The following RAD51B variants were observed in gnomAD, a reference collection of about 807,000 sequenced individuals.
The protein encoded by RAD51B is RAD51 paralog B, also known as DNA repair protein RAD51 homolog 2.
In RAD51B, 38 loss-of-function variants were observed where a neutral mutation model predicts 42.2. The ratio of observed to expected loss-of-function variants is 0.90; its 90% CI spans 0.70 to 1.18. The LOEUF (loss-of-function observed/expected upper bound fraction) is 1.18, where lower values mean the gene tolerates loss of function less well. Among genes scored for constraint, RAD51B ranks in the 50% most tolerant of loss-of-function variants. The pLI is 0.00. For synonymous variants in RAD51B, 154 were observed against 145.2 expected, an observed-to-expected ratio of 1.06 and a Z score of -0.43; for missense variants, 373 against 400.7, an observed-to-expected ratio of 0.93 and a Z score of 0.59.
chr14:68,139,979 T>TCTGCTTC lies in RAD51B; in HGVS notation c.757-151899_757-151893dup, dbSNP rs1942338710. Among the ~76,000 whole-genome samples the TCTGCTTC allele has an allele frequency of 2.6e-5, 4 of 152,328 alleles. No homozygotes were observed. In the South Asian group the frequency reaches 8.3e-4, roughly 32 times the overall value. The stretch of plus-strand genomic sequence containing the variant: ...CACACAGTAATGTCTCCTCACTGCT[T>TCTGCTTC]CTGCTTCCTGCTAATTTGGGGAGCA... On this transcript the variant is annotated intron_variant, in intron 7 of 10. Transcript: ENST00000471583.
At chr14:68,532,492 A>AT (rs1227632014) in intron 10 of RAD51B, among the ~76,000 whole-genome samples, 1 of 152,186 alleles carries the variant, frequency 6.6e-6, no homozygotes, top group African/African-American at 2.4e-5. Context: ...GAAGTTAATG[A>AT]TTTTTTTAGA....
rs534263103 is a variant in RAD51B, at chr14:68,464,744, CCTCTGATCTATCA to C, written c.958-3422_958-3410del. ...TCAGATATTTTTTATTGGTGCTAGCCCTCTGATCTATCACTCTGGAAGTTCTTTTCCAAAGAAA... is the reference window on the plus strand; with the variant it reads ...TCAGATATTTTTTATTGGTGCTAGCCCTCTGGAAGTTCTTTTCCAAAGAAA... On this transcript the variant is annotated intron_variant, in intron 9 of 10. Coordinates refer to ENST00000471583, the MANE Select transcript of RAD51B (RefSeq NM_133510.4). Among the ~76,000 whole-genome samples, 540 of 152,244 alleles carry C rather than the reference CCTCTGATCTATCA, an allele frequency of 3.5e-3. 3 individuals are homozygous for C. The highest frequency in any genetic ancestry group is 0.01 in the Middle Eastern group (3 of 294).
intron 10 of RAD51B, among the ~76,000 whole-genome samples, chr14:68,525,197 A>T (rs548860144): frequency 6.6e-6 from 1 of 152,370 alleles, no homozygotes; most frequent in South Asian, 2.1e-4. Flanking sequence ...GGAAGGGGCC[A>T]TAAGCCGAGG....
intron 7 of RAD51B, among the ~76,000 whole-genome samples, chr14:68,038,098 C>A (rs1042096100): frequency 6.6e-6 from 1 of 152,208 alleles, no homozygotes; most frequent in Non-Finnish European, 1.5e-5. Flanking sequence ...TATTTGACAT[C>A]ATAAATGACC....
At chr14:68,049,484 G>A (rs1410140003) in intron 7 of RAD51B, among the ~76,000 whole-genome samples, 7 of 152,168 alleles carry the variant, frequency 4.6e-5, no homozygotes, top group Non-Finnish European at 2.9e-5. Flanking sequence ...CACACAGAGA[G>A]CATAGAGATT....
Position 68,094,843 on chromosome 14 carries a change from C to CT in RAD51B, c.757-197040dup, listed in dbSNP as rs574830711. 4.0e-4 allele frequency among the ~76,000 whole-genome samples: 61 copies of CT among 152,260 alleles called. 1 individual carries two copies. Among genetic ancestry groups the CT allele is most frequent in the Non-Finnish European group, 5.7e-4 (39 of 68,016 alleles). ...TTGTTCTGAATCATGAGTAAGATGC[C>CT]TATAAGGAAGAAAAATTCTCCTAAA... On this transcript the variant is annotated intron_variant, in intron 7 of 10. Coordinates refer to ENST00000471583, the MANE Select transcript of RAD51B (RefSeq NM_133510.4).
At chr14:67,935,273 G>A (rs972572044) in intron 7 of RAD51B, among the ~76,000 whole-genome samples, 1 of 152,122 alleles carries the variant, frequency 6.6e-6, no homozygotes, top group Non-Finnish European at 1.5e-5. Context: ...TACTTTGAGT[G>A]TAAGATATGG....
intron 7 of RAD51B, among the ~76,000 whole-genome samples, chr14:68,054,825 A>G (rs1293195822): frequency 6.6e-6 from 1 of 152,172 alleles, no homozygotes; most frequent in Non-Finnish European, 1.5e-5. Flanking sequence ...GTGATTGATC[A>G]TCAGAAGTTT....
intron 7 of RAD51B, among the ~76,000 whole-genome samples, chr14:68,149,359 T>C (rs932530558): frequency 1.3e-5 from 2 of 152,216 alleles, no homozygotes; most frequent in Non-Finnish European, 2.9e-5. Context: ...ATGATCCACT[T>C]TGAGTTAATC....
chr14:68,307,570 GT>G (rs1566798347), intron 8 of RAD51B, among the ~76,000 whole-genome samples: 2 of 152,178 alleles, frequency 1.3e-5, no homozygotes, highest in African/African-American at 2.4e-5. Flanking sequence ...ACTTCAAGCA[GT>G]TTTTGGGACT....
Position 67,887,065 on chromosome 14 carries a change from T to G in RAD51B, c.617T>G (p.Leu206Arg). ...EEEIISKGIK[L>R]VILDSVASVV... is the part of the protein sequence containing the mutation. ...GAAATTATCTCAAAAGGAATTAAAC[T>G]TGTGATTCTTGACTCTGTTGCTTCT... The change falls in exon 7 of 11, where the codon CTT becomes CGT. Residue 206 changes from leucine to arginine, a missense_variant. Physicochemically the swap from Leu to Arg is moderately radical, Grantham distance 102 (BLOSUM62 -2). Transcript: ENST00000471583. 1.3e-6 allele frequency: 2 copies of G among 1,562,268 alleles called. No individual in the cohort carries two copies. Among genetic ancestry groups the G allele is most frequent in the Non-Finnish European group, 1.8e-6 (2 of 1,141,474 alleles).
intron 10 of RAD51B, among the ~76,000 whole-genome samples, chr14:68,537,288 G>T (rs187369134): frequency 6.6e-6 from 1 of 152,168 alleles, no homozygotes; most frequent in Admixed American, 6.5e-5. Flanking sequence ...CACGAGGCCA[G>T]GAGATTGAGA....
intron 10 of RAD51B, among the ~76,000 whole-genome samples, chr14:68,516,776 T>TAAG (rs1194705694): frequency 6.6e-6 from 1 of 152,248 alleles, no homozygotes. Context: ...ATTGCTTCAC[T>TAAG]AAGTCATGCA....
chr14:68,533,578 A>G (rs1887441011), intron 10 of RAD51B, among the ~76,000 whole-genome samples: 2 of 152,174 alleles, frequency 1.3e-5, no homozygotes, highest in Non-Finnish European at 2.9e-5. Context: ...GTCACAGTGG[A>G]GGGATGAGGG....
At chr14:67,886,685 G>A in intron 6 of RAD51B, 1 of 248,548 alleles carries the variant, frequency 4.0e-6, no homozygotes, top group Non-Finnish European at 7.8e-6. Context: ...GGCACACTGT[G>A]GGAGGGACCT....
At chr14:68,255,547 A>G (rs1236577270) in intron 7 of RAD51B, among the ~76,000 whole-genome samples, 6 of 152,224 alleles carry the variant, frequency 3.9e-5, no homozygotes, top group Non-Finnish European at 8.8e-5. Flanking sequence ...AGGCAATTAG[A>G]CTGTATTGTT....
intron 10 of RAD51B, among the ~76,000 whole-genome samples, chr14:68,484,119 G>A (rs917076925): frequency 1.3e-5 from 2 of 152,110 alleles, no homozygotes; most frequent in African/African-American, 4.8e-5. Context: ...CATAGACTTC[G>A]CGTACCCTGA....
At chr14:67,962,244 G>A (rs1171282830) in intron 7 of RAD51B, among the ~76,000 whole-genome samples, 1 of 152,170 alleles carries the variant, frequency 6.6e-6, no homozygotes, top group African/African-American at 2.4e-5. Context: ...GATTACTGGT[G>A]TCTTTGAGGA....
At chr14:67,950,183 C>T (rs992624339) in intron 7 of RAD51B, among the ~76,000 whole-genome samples, 1 of 152,118 alleles carries the variant, frequency 6.6e-6, no homozygotes, top group Non-Finnish European at 1.5e-5. Flanking sequence ...CTTCTGCTCT[C>T]CAGCTATGAA....
Sources: allele counts gnomAD v4.1 joint callset (sites outside exome capture counted in the v4.1 genomes callset), GRCh38; gene constraint gnomAD v4.1.1; transcripts MANE v1.5; gene names NCBI Gene and HGNC (gene_info 2026-07-23, HGNC 2026-07-21).